Variants in C10orf90 observed in about 807,000 individuals in gnomAD.
The protein encoded by C10orf90 is (E2-independent) E3 ubiquitin-conjugating enzyme FATS.
A neutral mutation model predicts 62.5 loss-of-function variants in C10orf90; 56 were observed. That is an observed-to-expected ratio of 0.90 (90% CI 0.72 to 1.12). The LOEUF (loss-of-function observed/expected upper bound fraction) is 1.12, where lower values mean the gene tolerates loss of function less well. Ranked by LOEUF, C10orf90 falls within the 50% of genes most tolerant of loss-of-function variation. The pLI is 0.00. For synonymous variants in C10orf90, 386 were observed against 340.4 expected, an observed-to-expected ratio of 1.13 and a Z score of -1.47; for missense variants, 970 against 880.4, an observed-to-expected ratio of 1.10 and a Z score of -1.29.
intron 2 of C10orf90, among the ~76,000 whole-genome samples, chr10:126,636,759 TTAGA>T (rs1249342338): frequency 3.9e-5 from 6 of 152,218 alleles, no homozygotes; most frequent in African/African-American, 1.2e-4. Flanking sequence ...AATCCTTTCC[TTAGA>T]TAGCCAACTG....
At chr10:126,432,529 T>A (rs904985145) in intron 7 of C10orf90, among the ~76,000 whole-genome samples, 1 of 152,120 alleles carries the variant, frequency 6.6e-6, no homozygotes, top group Non-Finnish European at 1.5e-5. Context: ...AATGCCACCA[T>A]GTGTCAAAGG....
chr10:126,667,817 C>T (rs12242639), intron 1 of C10orf90, among the ~76,000 whole-genome samples: 2,866 of 152,234 alleles, frequency 0.019, 39 homozygotes, highest in Non-Finnish European at 0.026. Flanking sequence ...CAAAAACATA[C>T]GCAGGGGGAG....
intron 7 of C10orf90, among the ~76,000 whole-genome samples, chr10:126,433,919 T>A (rs748567892): frequency 2.0e-5 from 3 of 152,192 alleles, no homozygotes; most frequent in Non-Finnish European, 4.4e-5. Context: ...TACAGTTGTG[T>A]TTACCTCGAA....
intron 4 of C10orf90, among the ~76,000 whole-genome samples, chr10:126,495,096 G>A (rs1861969488): frequency 6.6e-6 from 1 of 152,190 alleles, no homozygotes; most frequent in South Asian, 2.1e-4. Context: ...GCTTCTGCTA[G>A]GTTACCCTGA....
intron 2 of C10orf90, among the ~76,000 whole-genome samples, chr10:126,641,114 G>C (rs1207763441): frequency 6.6e-6 from 1 of 152,174 alleles, no homozygotes; most frequent in Non-Finnish European, 1.5e-5. Context: ...TCTATACCTT[G>C]TTAACAGAGA....
chr10:126,665,482 C>T (rs1201420705), intron 1 of C10orf90, among the ~76,000 whole-genome samples: 1 of 152,126 alleles, frequency 6.6e-6, no homozygotes, highest in African/African-American at 2.4e-5. Flanking sequence ...CGGTGTACTC[C>T]AACCACTGGA....
chr10:126,463,141 C>T (rs756340642), intron 5 of C10orf90: 105 of 152,362 alleles, frequency 6.9e-4, no homozygotes, highest in Non-Finnish European at 1.3e-3. Flanking sequence ...TTCTAGTTCA[C>T]CCTGTGCACA....
chr10:126,461,067 C>A (rs1420235005), intron 6 of C10orf90, among the ~76,000 whole-genome samples: 1 of 152,140 alleles, frequency 6.6e-6, no homozygotes, highest in Non-Finnish European at 1.5e-5. Context: ...CCTATATGCT[C>A]CTACCTCCTG....
intron 2 of C10orf90, among the ~76,000 whole-genome samples, chr10:126,526,300 A>T (rs1056395468): frequency 3.4e-5 from 5 of 146,816 alleles, no homozygotes. Flanking sequence ...GCTGGAGTGC[A>T]GTGGTGCAAT....
chr10:126,480,470 A>G (rs189470917), intron 4 of C10orf90, among the ~76,000 whole-genome samples: 3 of 152,362 alleles, frequency 2.0e-5, no homozygotes, highest in Non-Finnish European at 2.9e-5. Context: ...ATTTACAGGC[A>G]TGTTTAAACA....
chr10:126,618,035 A>C (rs559134099), intron 2 of C10orf90, among the ~76,000 whole-genome samples: 41 of 152,298 alleles, frequency 2.7e-4, no homozygotes, highest in Admixed American at 1.2e-3. Flanking sequence ...ACAAACCCTC[A>C]GGAGGGATAG....
chr10:126,517,397 G>A (rs1239535709), intron 2 of C10orf90, among the ~76,000 whole-genome samples: 3 of 152,176 alleles, frequency 2.0e-5, no homozygotes, highest in African/African-American at 7.2e-5. Context: ...GAACACAGCA[G>A]CATACACACT....
chr10:126,654,635 T>G (rs921178567), intron 1 of C10orf90, among the ~76,000 whole-genome samples: 3 of 152,210 alleles, frequency 2.0e-5, no homozygotes, highest in African/African-American at 7.2e-5. Context: ...TTAATTTCCT[T>G]CAAGAATTTT....
At chr10:126,647,352 G>C (rs1473193548) in intron 1 of C10orf90, among the ~76,000 whole-genome samples, 1 of 152,154 alleles carries the variant, frequency 6.6e-6, no homozygotes, top group Non-Finnish European at 1.5e-5. Context: ...GACTTGAAGG[G>C]GCAACACAGT....
chr10:126,428,895 G>A (rs962820294), intron 8 of C10orf90, among the ~76,000 whole-genome samples: 8 of 151,924 alleles, frequency 5.3e-5, no homozygotes, highest in African/African-American at 1.9e-4. Flanking sequence ...CCTCATTTTC[G>A]CTTCCTTATT....
chr10:126,557,479 C>CA (rs11413093), intron 2 of C10orf90, among the ~76,000 whole-genome samples: 72,730 of 131,448 alleles, frequency 0.55, 20,610 homozygotes, highest in Non-Finnish European at 0.61. Context: ...GACTCCATCT[C>CA]AAAAAAAAAA....
At chr10:126,515,245 A>C (rs999350937) in intron 2 of C10orf90, among the ~76,000 whole-genome samples, 1 of 152,184 alleles carries the variant, frequency 6.6e-6, no homozygotes, top group Non-Finnish European at 1.5e-5. Context: ...TGTTTAAATA[A>C]AAGTAGTGTA....
At chr10:126,486,660 C>A (rs1159798548) in intron 4 of C10orf90, among the ~76,000 whole-genome samples, 1 of 151,944 alleles carries the variant, frequency 6.6e-6, no homozygotes, top group East Asian at 1.9e-4. Flanking sequence ...TTCAAAAGAG[C>A]TAGAAAGCAC....
chr10:126,661,624 C>G (rs991392980), intron 1 of C10orf90, among the ~76,000 whole-genome samples: 2 of 151,738 alleles, frequency 1.3e-5, no homozygotes, highest in African/African-American at 2.4e-5. Context: ...TGCTCTTTCT[C>G]TCTTGCTGTC....
Sources: gnomAD v4.1 joint callset for allele counts (sites outside exome capture counted in the v4.1 genomes callset) on GRCh38, gnomAD v4.1.1 for gene constraint, MANE v1.5 for transcripts, NCBI Gene and HGNC (gene_info 2026-07-23, HGNC 2026-07-21) for gene names.